The following DSE variants were observed in gnomAD, a reference collection of about 807,000 sequenced individuals.
DSE encodes dermatan sulfate epimerase.
Under a neutral mutation model 84.4 loss-of-function variants are expected in DSE, and 36 were observed. The observed-to-expected ratio is 0.43, with a 90% CI of 0.33 to 0.56. The LOEUF is 0.56. Ranked by LOEUF, DSE falls within the 20% of genes least tolerant of loss-of-function variation. The pLI, the probability that DSE is intolerant of heterozygous loss-of-function variation, is 0.06. For synonymous variants in DSE, 410 were observed against 430.1 expected (o/e 0.95, Z 0.58); for missense variants, 862 against 1,169.6 (o/e 0.74, Z 3.84).
At chr6:116,283,526 TTTGTTGTTGTTGTTG>T (rs148204266) in intron 2 of DSE, among the ~76,000 whole-genome samples, 8 of 149,352 alleles carry the variant, frequency 5.4e-5, no homozygotes, top group African/African-American at 9.9e-5. Flanking sequence ...GGGTAGATTC[TTTGTTGTTGTTGTTG>T]TTGTTGTTGT....
rs45490498 is a variant in DSE at position 116,278,696 on chromosome 6, T to C, written c.-54+19729T>C. The stretch of plus-strand genomic sequence containing the variant: ...GGAAGGCTGTGGTCTGAAAACCAAG[T>C]GAAGAAGCTGCAGATGAGGTCTTGG... On this transcript the variant is annotated intron_variant, in intron 2 of 3. Coordinates refer to the DSE transcript ENST00000430252. The C allele has an allele frequency of 0.01, 16,532 of 1,614,102 alleles. 101 individuals carry two copies. Among genetic ancestry groups the C allele is most frequent in the Non-Finnish European group, 0.013 (14,949 of 1,179,996 alleles).
chr6:116,405,081 TA>T (rs889833884), intron 2 of DSE, among the ~76,000 whole-genome samples: 4 of 150,082 alleles, frequency 2.7e-5, no homozygotes, highest in African/African-American at 9.9e-5. Context: ...TTTGCAAAAA[TA>T]AAATATAATT....
At chr6:116,349,937 C>T (rs1224559678) in intron 2 of DSE, among the ~76,000 whole-genome samples, 1 of 152,094 alleles carries the variant, frequency 6.6e-6, no homozygotes, top group Admixed American at 6.5e-5. Context: ...GAGAATTTGT[C>T]TCCTCACTTG....
At chr6:116,418,190 C>T (rs1782840830) in intron 2 of DSE, among the ~76,000 whole-genome samples, 1 of 152,050 alleles carries the variant, frequency 6.6e-6, no homozygotes, top group Non-Finnish European at 1.5e-5. Flanking sequence ...CAAAATTTTT[C>T]TGGAAGCCTT....
At chr6:116,429,383 T>C (rs2115073058) in intron 3 of DSE, among the ~76,000 whole-genome samples, 2 of 152,278 alleles carry the variant, frequency 1.3e-5, no homozygotes, top group Middle Eastern at 6.8e-3. Context: ...CATGGTAGCG[T>C]GGTCAACATG....
At chr6:116,433,926 TTTGA>T (rs1375128840) in intron 5 of DSE, among the ~76,000 whole-genome samples, 1 of 152,190 alleles carries the variant, frequency 6.6e-6, no homozygotes, top group African/African-American at 2.4e-5. Flanking sequence ...ATAAGCATGT[TTTGA>T]TTTTACATCA....
chr6:116,321,337 ATTTT>A (rs66863151), intron 2 of DSE, among the ~76,000 whole-genome samples: 1 of 115,554 alleles, frequency 8.7e-6, no homozygotes. Flanking sequence ...CTAATTTTTC[ATTTT>A]TTTTTTTTTT....
At chr6:116,294,760 G>A (rs1156586227) in intron 2 of DSE, among the ~76,000 whole-genome samples, 2 of 152,118 alleles carry the variant, frequency 1.3e-5, no homozygotes, top group Non-Finnish European at 1.5e-5. Flanking sequence ...GTCCCATCCC[G>A]AAGCCAGAAA....
At chr6:116,371,265 G>C in intron 1 of DSE, 144 bp downstream of exon 1, 1 of 955,732 alleles carries the variant, frequency 1.0e-6, no homozygotes, top group Non-Finnish European at 1.2e-6. Flanking sequence ...AGCGCCGCGG[G>C]TTGCGCGCCC....
chr6:116,315,676 T>G (rs1032905186), intron 2 of DSE, among the ~76,000 whole-genome samples: 1 of 152,168 alleles, frequency 6.6e-6, no homozygotes, highest in Admixed American at 6.5e-5. Flanking sequence ...TCATGCTTGT[T>G]TCACATGAGA....
chr6:116,274,432 G>A (rs1469548057), intron 2 of DSE, among the ~76,000 whole-genome samples: 4 of 151,800 alleles, frequency 2.6e-5, no homozygotes, highest in East Asian at 2.0e-4. Flanking sequence ...GCGTGGTGGC[G>A]CATGCCTATA....
Position 116,436,483 on chromosome 6 carries a change from A to G in DSE, c.2015A>G (p.Gln672Arg). 1.2e-6 allele frequency: 2 copies of G among 1,614,172 alleles called. No homozygotes were observed. Among genetic ancestry groups the G allele is most frequent in the Non-Finnish European group, 1.7e-6 (2 of 1,180,004 alleles). The change falls in exon 6 of 6, where the codon CAG becomes CGG. Residue 672 changes from glutamine to arginine, a missense_variant. This residue lies in a region of DSE where 315 missense variants were observed against 348.1 expected (regional missense o/e 0.90). Coordinates refer to ENST00000644252, the MANE Select transcript of DSE (RefSeq NM_013352.4). ...YLFIGPSIDVQSFTVHGDSQQ... is the reference protein window; with the variant it reads ...YLFIGPSIDVRSFTVHGDSQQ... ...TTCATAGGGCCATCTATAGATGTTC[A>G]GAGCTTCACTGTCCACGGAGACTCT...
At chr6:116,292,748 A>T (rs1055610707) in intron 2 of DSE, among the ~76,000 whole-genome samples, 2 of 152,234 alleles carry the variant, frequency 1.3e-5, no homozygotes, top group African/African-American at 4.8e-5. Flanking sequence ...TATACAACTG[A>T]ATATTACGTA....
At chr6:116,302,760 T>A (rs998547402) in intron 2 of DSE, among the ~76,000 whole-genome samples, 2 of 152,156 alleles carry the variant, frequency 1.3e-5, no homozygotes, top group African/African-American at 4.8e-5. Flanking sequence ...CTTCTAGGGT[T>A]TTTTATGGTT....
At chr6:116,279,122 G>T in intron 2 of DSE, 1 of 1,614,112 alleles carries the variant, frequency 6.2e-7, no homozygotes, top group South Asian at 1.1e-5. Flanking sequence ...TCCAGTTCCA[G>T]CTGGATGGCC....
intron 2 of DSE, among the ~76,000 whole-genome samples, chr6:116,307,082 C>CT (rs1328434729): frequency 6.6e-6 from 1 of 152,206 alleles, no homozygotes; most frequent in African/African-American, 2.4e-5. Flanking sequence ...AGTTAGAACT[C>CT]TATCTTATAT....
chr6:116,309,904 C>T (rs976333969), intron 2 of DSE, among the ~76,000 whole-genome samples: 1 of 152,040 alleles, frequency 6.6e-6, no homozygotes, highest in Non-Finnish European at 1.5e-5. Flanking sequence ...CCCTCATCTT[C>T]CAGTACTGTT....
At position 116,425,579 on chromosome 6, in the gene DSE, A is replaced by T. The variant is rs540884200; in HGVS notation, c.417-995A>T. Among the ~76,000 whole-genome samples, 39 of 152,008 alleles carry T rather than the reference A, an allele frequency of 2.6e-4. No homozygotes were observed. In the South Asian group the frequency reaches 5.4e-3, roughly 21 times the overall value. On this transcript the variant is annotated intron_variant, in intron 2 of 5. Transcript: ENST00000644252. ...CAGAAATTTGGCTTCCTGGAAAATG[A>T]CAATGTAATTCTTTTTTTTATTTTA...
intron 2 of DSE, chr6:116,280,273 CCT>C (rs781541505): frequency 6.1e-5 from 15 of 244,802 alleles, no homozygotes; most frequent in Non-Finnish European, 1.1e-4. Context: ...AAATCTATTC[CCT>C]GTTACTCCAC....
Sources: gnomAD v4.1 joint callset for allele counts (sites outside exome capture counted in the v4.1 genomes callset) on GRCh38, gnomAD v4.1.1 for gene constraint, gnomAD v4.1.1 regional missense constraint, MANE v1.5 for transcripts, NCBI Gene and HGNC (gene_info 2026-07-23, HGNC 2026-07-21) for gene names.